PARP16: variants seen among roughly 807,000 people sequenced by gnomAD.
PARP16 encodes poly(ADP-ribose) polymerase family member 16, also known as protein mono-ADP-ribosyltransferase PARP16.
A neutral mutation model predicts 35.0 loss-of-function variants in PARP16; 31 were observed. The observed-to-expected ratio is 0.88, with a 90% CI of 0.66 to 1.19. The LOEUF is 1.19. Among genes scored for constraint, PARP16 ranks in the 50% most tolerant of loss-of-function variants. The probability of loss-of-function intolerance (pLI) is 0.00; values close to 1 mark genes in which losing one functional copy is unlikely to be tolerated. For missense variants in PARP16, 424 were observed against 411.2 expected, an observed-to-expected ratio of 1.03 and a Z score of -0.27; for synonymous variants, 162 against 169.5, an observed-to-expected ratio of 0.96 and a Z score of 0.34.
intron 3 of PARP16, among the ~76,000 whole-genome samples, chr15:65,239,310 C>A (rs1424847408): frequency 2.9e-4 from 44 of 150,164 alleles, no homozygotes; most frequent in Non-Finnish European, 3.0e-5. Context: ...GCCTGTAGTC[C>A]CAGCTACTCA....
At chr15:65,253,978 C>T (rs555645963), downstream of PARP16, among the ~76,000 whole-genome samples, 48 of 152,164 alleles carry the variant, frequency 3.2e-4, no homozygotes, top group Non-Finnish European at 5.0e-4. Context: ...CCACCACACC[C>T]GGCTAATTTT....
chr15:65,271,465 G>A (rs1024206485), intron 1 of PARP16, among the ~76,000 whole-genome samples: 1 of 152,036 alleles, frequency 6.6e-6, no homozygotes, highest in African/African-American at 2.4e-5. Context: ...GGTAGAGATG[G>A]GGTTTCACCA....
chr15:65,284,893 T>C (rs934229723), intron 1 of PARP16, among the ~76,000 whole-genome samples: 4 of 140,866 alleles, frequency 2.8e-5, no homozygotes, highest in African/African-American at 1.1e-4. Flanking sequence ...TTACAGCTCA[T>C]TGCAGCCTCG....
At chr15:65,281,136 T>C (rs773182531) in intron 1 of PARP16, among the ~76,000 whole-genome samples, 22 of 152,080 alleles carry the variant, frequency 1.4e-4, no homozygotes, top group Non-Finnish European at 2.4e-4. Flanking sequence ...CAGAACATGC[T>C]ATTTCGGGAG....
chr15:65,286,513 C>T lies in PARP16; in HGVS notation c.-87G>A. ...TCAGCGCGGGGGCTGGGCCCGCGGA[C>T]AATGGGCCGTCAGGGGCCGGGTTCC... On this transcript the variant is annotated 5_prime_UTR_variant, in exon 1 of 6. Coordinates refer to ENST00000649807, the MANE Select transcript of PARP16 (RefSeq NM_001316943.2). 1 of 1,071,184 alleles carries T rather than the reference C, an allele frequency of 9.3e-7. No individual in the cohort carries two copies. The highest frequency in any genetic ancestry group is 1.7e-5 in the African/African-American group (1 of 59,394). 66.4% of individuals were successfully genotyped at this position (1,071,184 alleles called of 1,614,324 possible). A position where few individuals can be genotyped will look rare whatever the true frequency, so the allele number is the denominator to read the frequency against.
rs367808430 is a variant in PARP16 at position 65,239,955 on chromosome 15, CTTTT to C, written c.*98-5136_*98-5133del. ...ACAGGCGTGAGCCACCGCGTCTGAC[CTTTT>C]TTTTTTTTTTTTTTTAAATACAGGG... On this transcript the variant is annotated intron_variant and NMD_transcript_variant, in intron 3 of 3. Transcript: ENST00000559805. Among the ~76,000 whole-genome samples the C allele has an allele frequency of 2.3e-4, 19 of 81,750 alleles. 1 individual carries two copies. Among genetic ancestry groups the C allele is most frequent in the Non-Finnish European group, 3.4e-4 (16 of 46,918 alleles). The allele number at this position is 81,750 out of a possible 152,430, so 53.6% of individuals were successfully genotyped here.
At chr15:65,247,381 A>T (rs879506565) in intron 3 of PARP16, among the ~76,000 whole-genome samples, 8 of 152,204 alleles carry the variant, frequency 5.3e-5, no homozygotes, top group Non-Finnish European at 8.8e-5. Flanking sequence ...CACAAAATCC[A>T]TATGGCAGAG....
chr15:65,277,869 T>C (rs979186568), intron 1 of PARP16, among the ~76,000 whole-genome samples: 21 of 152,098 alleles, frequency 1.4e-4, no homozygotes, highest in South Asian at 4.2e-4. Flanking sequence ...AAGCCAAAGG[T>C]AGGGAGAAAG....
chr15:65,256,692 C>T (rs2089522214), downstream of PARP16, among the ~76,000 whole-genome samples: 1 of 152,120 alleles, frequency 6.6e-6, no homozygotes, highest in Non-Finnish European at 1.5e-5. Context: ...CAGGCGTGAG[C>T]CACCGCGCCC....
downstream of PARP16, among the ~76,000 whole-genome samples, chr15:65,255,230 C>G (rs937462570): frequency 2.0e-5 from 3 of 151,788 alleles, no homozygotes; most frequent in African/African-American, 7.3e-5. Context: ...TACCCAGAGG[C>G]CTCACACTAT....
intron 1 of PARP16, among the ~76,000 whole-genome samples, chr15:65,283,887 C>A (rs1567042348): frequency 6.6e-6 from 1 of 152,218 alleles, no homozygotes; most frequent in Non-Finnish European, 1.5e-5. Context: ...TCTGAACCTG[C>A]AAGAACAAAT....
At chr15:65,284,235 A>T (rs1006606336) in intron 1 of PARP16, among the ~76,000 whole-genome samples, 3 of 152,182 alleles carry the variant, frequency 2.0e-5, no homozygotes, top group African/African-American at 7.2e-5. Context: ...CCTGGTCATA[A>T]GGAATTACCC....
At chr15:65,254,561 C>A (rs4776263), downstream of PARP16, among the ~76,000 whole-genome samples, 3 of 150,326 alleles carry the variant, frequency 2.0e-5, no homozygotes, top group Admixed American at 6.6e-5. Flanking sequence ...AGGAGGGGAG[C>A]GGGGAGAGAG....
downstream of PARP16, among the ~76,000 whole-genome samples, chr15:65,256,194 T>C (rs1233085189): frequency 2.0e-5 from 3 of 152,186 alleles, no homozygotes; most frequent in African/African-American, 7.2e-5. Flanking sequence ...CTCTCTGCTC[T>C]GTTGGGCCCT....
intron 3 of PARP16, among the ~76,000 whole-genome samples, chr15:65,246,076 G>A (rs2089201922): frequency 6.6e-6 from 1 of 152,046 alleles, no homozygotes; most frequent in Non-Finnish European, 1.5e-5. Context: ...CCATTGGGGT[G>A]GCCAGCATGA....
chr15:65,234,782 C>T (rs994888671), exon 4 of PARP16: 2 of 152,240 alleles, frequency 1.3e-5, no homozygotes, highest in African/African-American at 2.4e-5. Flanking sequence ...GCCTCACTCT[C>T]TCTATGTGGC....
intron 3 of PARP16, among the ~76,000 whole-genome samples, chr15:65,245,170 G>A (rs370564173): frequency 6.6e-5 from 10 of 152,318 alleles, no homozygotes; most frequent in South Asian, 2.1e-4. Flanking sequence ...ACCTCACCTC[G>A]TGGCTGCAAG....
At chr15:65,268,305 G>T (rs1295636650) in intron 2 of PARP16, among the ~76,000 whole-genome samples, 1 of 152,098 alleles carries the variant, frequency 6.6e-6, no homozygotes, top group Non-Finnish European at 1.5e-5. Context: ...TATAGAGTAT[G>T]AGCCTCACAG....
At chr15:65,243,162 T>C (rs12591260) in intron 3 of PARP16, among the ~76,000 whole-genome samples, 1 of 152,122 alleles carries the variant, frequency 6.6e-6, no homozygotes, top group Non-Finnish European at 1.5e-5. Context: ...ACCCCCAGTA[T>C]AATCTTGAAT....
Sources: allele counts gnomAD v4.1 joint callset (sites outside exome capture counted in the v4.1 genomes callset), GRCh38; gene constraint gnomAD v4.1.1; transcripts MANE v1.5; gene names NCBI Gene and HGNC (gene_info 2026-07-23, HGNC 2026-07-21).